SNX14: variants seen among roughly 807,000 people sequenced by gnomAD.
SNX14 encodes sorting nexin-14.
Under a neutral mutation model 133.8 loss-of-function variants are expected in SNX14, and 93 were observed. The observed-to-expected ratio is 0.70, with a 90% CI of 0.59 to 0.83. SNX14 has a LOEUF of 0.83. SNX14 is among the 40% of genes least tolerant of loss of function. The pLI, the probability that SNX14 is intolerant of heterozygous loss-of-function variation, is 0.00. For synonymous variants in SNX14, 368 were observed against 365.6 expected (o/e 1.01, Z -0.07); for missense variants, 945 against 1,094.9 (o/e 0.86, Z 1.93).
intron 15 of SNX14, among the ~76,000 whole-genome samples, chr6:85,540,617 A>G (rs563812221): frequency 3.0e-4 from 46 of 152,350 alleles, no homozygotes; most frequent in African/African-American, 1.1e-3. Flanking sequence ...ACCTTTCAGA[A>G]AAGTTATTAC....
Position 85,508,042 on chromosome 6 carries a change from T to A in SNX14, c.2671A>T (p.Ile891Phe). Residue 891 changes from isoleucine (I) to phenylalanine (F), a missense_variant, in exon 27 of 29, where the codon ATT becomes TTT. This residue lies in a region of SNX14 where 412 missense variants were observed against 516.6 expected (regional missense o/e 0.80). Coordinates refer to ENST00000314673, the MANE Select transcript of SNX14 (RefSeq NM_153816.6). ...CTTTCATACTTGGTTTCTTCACCAA[T>A]ACACTTGACTAACAGATCTAAACAA... The part of the protein sequence containing the change: ...NYIPDLLVKC[I>F]GEETKYESIR... 1 of 1,612,882 alleles carries A rather than the reference T, an allele frequency of 6.2e-7. No homozygotes were observed. Among genetic ancestry groups the A allele is most frequent in the Non-Finnish European group, 8.5e-7 (1 of 1,179,340 alleles).
Position 85,552,032 on chromosome 6 carries a change from CTTTT to C in SNX14, c.635-2157_635-2154del, listed in dbSNP as rs71551482. Among the ~76,000 whole-genome samples the C allele has an allele frequency of 2.9e-3, 334 of 114,124 alleles. 1 individual carries two copies. The highest frequency in any genetic ancestry group is 4.7e-3 in the Non-Finnish European group (269 of 57,340). 74.9% of individuals were successfully genotyped at this position (114,124 alleles called of 152,430 possible). A position where few individuals can be genotyped will look rare whatever the true frequency, so the allele number is the denominator to read the frequency against. ...AAATCATGGAGTCTGTGTTGGGAAT[CTTTT>C]TTTTTTTTTTTTTTTTTTGAGACGG... On this transcript the variant is annotated intron_variant, in intron 7 of 28. Coordinates refer to ENST00000314673, the MANE Select transcript of SNX14 (RefSeq NM_153816.6).
intron 21 of SNX14, 146 bp downstream of exon 21, chr6:85,525,980 T>A (rs1457484213): frequency 6.2e-6 from 3 of 487,072 alleles, no homozygotes; most frequent in Non-Finnish European, 1.1e-5. Context: ...CAGATTAAGG[T>A]CAGCATCTGA....
chr6:85,515,262 C>CA (rs751549621), intron 23 of SNX14, among the ~76,000 whole-genome samples: 2,023 of 22,502 alleles, frequency 0.09, 204 homozygotes, highest in Non-Finnish European at 0.11. Context: ...GCAAGACCGT[C>CA]AAAAAAAAAA....
At chr6:85,513,923 T>C (rs1419833982) in intron 25 of SNX14, 28 bp from the exon 26 acceptor site, 2 of 1,587,092 alleles carry the variant, frequency 1.3e-6, no homozygotes, top group Admixed American at 1.8e-5. Flanking sequence ...GAAATATTTC[T>C]GGAATTTTCA....
In SNX14 at chr6:85,513,862, G is replaced by A. The variant is rs756002626; in HGVS notation, c.2591C>T (p.Ser864Phe). 7 of 1,612,752 alleles carry A rather than the reference G, an allele frequency of 4.3e-6. No homozygotes were observed. The Admixed American group carries it at 6.7e-5, about 15-fold the overall frequency. ...TGCTCCTTTTTGCTTATCTTGGAGA[G>A]AGCGAGGTTCAGTGTTTTCACAGAA... ...AIFCENTEPR[S>F]LQDKQKGAKQ... The change falls in exon 26 of 29, where the codon TCT becomes TTT. Residue 864 changes from serine to phenylalanine, a missense_variant. Transcript: ENST00000314673.
rs1045856065 is a variant in SNX14 at position 85,571,346 on chromosome 6, C to T, written c.417+791G>A. Among the ~76,000 whole-genome samples, 14 of 123,124 alleles carry T rather than the reference C, an allele frequency of 1.1e-4. No individual in the cohort carries two copies. The Admixed American group carries it at 1.2e-3, about 11-fold the overall frequency. 80.8% of individuals were successfully genotyped at this position (123,124 alleles called of 152,430 possible). ...CTGCACTCCGGCCTGGGTGGCAGAG[C>T]AAGACTCCATCTCAAAAAAAAAAAA... On this transcript the variant is annotated intron_variant, in intron 4 of 28. Coordinates refer to ENST00000314673, the MANE Select transcript of SNX14 (RefSeq NM_153816.6).
At chr6:85,531,859 T>G (rs1160160944) in intron 18 of SNX14, among the ~76,000 whole-genome samples, 3 of 152,004 alleles carry the variant, frequency 2.0e-5, no homozygotes, top group Admixed American at 1.3e-4. Context: ...AGACCTTTTC[T>G]CTACAAAAAA....
At chr6:85,557,849 A>C (rs1790241220) in intron 7 of SNX14, 127 bp downstream of exon 7, 1 of 621,816 alleles carries the variant, frequency 1.6e-6, no homozygotes, top group Non-Finnish European at 2.8e-6. Context: ...ATTTCAGTTT[A>C]AGAGAATACT....
chr6:85,582,457 A>C (rs1043070100), intron 1 of SNX14, among the ~76,000 whole-genome samples: 1 of 150,598 alleles, frequency 6.6e-6, no homozygotes, highest in Non-Finnish European at 1.5e-5. Flanking sequence ...AGACACACAC[A>C]AAAAAAACCT....
At position 85,526,117 on chromosome 6, in the gene SNX14, T is replaced by C; in HGVS notation, c.2107+9A>G. On this transcript the variant is annotated intron_variant, in intron 21 of 28. Coordinates refer to ENST00000314673, the MANE Select transcript of SNX14 (RefSeq NM_153816.6). Reference sequence around the variant, plus strand: ...TATTATCTTATAATGATTCTTTAAATTGACTTACCAAGATTTACATCTGGT... The same window carrying C: ...TATTATCTTATAATGATTCTTTAAACTGACTTACCAAGATTTACATCTGGT... 1.3e-6 allele frequency: 2 copies of C among 1,494,960 alleles called. No homozygotes were observed. The highest frequency in any genetic ancestry group is 1.8e-6 in the Non-Finnish European group (2 of 1,093,974). The allele number at this position is 1,494,960 out of a possible 1,614,324, so 92.6% of individuals were successfully genotyped here.
rs1224521024 is a variant in SNX14, at chr6:85,530,277, T to C, written c.1811-2A>G. On this transcript the variant is annotated splice_acceptor_variant, in intron 18 of 28. Coordinates refer to ENST00000314673, the MANE Select transcript of SNX14 (RefSeq NM_153816.6). LOFTEE classifies it high-confidence loss of function. ...ACCAATGTTCAGGCTCGTGTCCAAC[T>C]GTAAATTGAGTACACACACACTGAG... The C allele has an allele frequency of 1.3e-6, 2 of 1,580,246 alleles. No homozygotes were observed. The highest frequency in any genetic ancestry group is 8.6e-7 in the Non-Finnish European group (1 of 1,157,630).
chr6:85,561,082 C>T (rs1746152072), intron 6 of SNX14: 1 of 149,612 alleles, frequency 6.7e-6, no homozygotes, highest in African/African-American at 2.5e-5. Context: ...ATCTGTAATC[C>T]CAGCATTTTG....
At chr6:85,512,790 G>C (rs1773413063) in intron 26 of SNX14, among the ~76,000 whole-genome samples, 1 of 152,130 alleles carries the variant, frequency 6.6e-6, no homozygotes, top group South Asian at 2.1e-4. Flanking sequence ...ACGGGTTTCT[G>C]CTGCAGCTAG....
intron 7 of SNX14, among the ~76,000 whole-genome samples, chr6:85,554,438 T>A (rs1322748418): frequency 6.6e-6 from 1 of 152,024 alleles, no homozygotes; most frequent in African/African-American, 2.4e-5. Flanking sequence ...TAAAGACAAC[T>A]ATGGATGAAG....
intron 21 of SNX14, among the ~76,000 whole-genome samples, chr6:85,523,811 G>T (rs1353001543): frequency 6.6e-6 from 1 of 151,916 alleles, no homozygotes; most frequent in Non-Finnish European, 1.5e-5. Context: ...AATCTAAGAG[G>T]TAATGGTAAA....
At chr6:85,576,166 A>T (rs1423881958) in intron 1 of SNX14, among the ~76,000 whole-genome samples, 1 of 152,026 alleles carries the variant, frequency 6.6e-6, no homozygotes, top group African/African-American at 2.4e-5. Flanking sequence ...ATTTTTACAG[A>T]CCCTCACTAC....
chr6:85,548,110 G>A (rs367717394), intron 9 of SNX14, among the ~76,000 whole-genome samples, 191 bp downstream of exon 9: 2 of 152,172 alleles, frequency 1.3e-5, no homozygotes, highest in Non-Finnish European at 1.5e-5. Flanking sequence ...GAAGGAATGA[G>A]GAGTTATTGT....
intron 6 of SNX14, among the ~76,000 whole-genome samples, chr6:85,560,800 G>A (rs1252157909): frequency 2.0e-5 from 3 of 152,066 alleles, no homozygotes; most frequent in African/African-American, 7.2e-5. Flanking sequence ...TTGGGAGACC[G>A]AGGTGGGTGA....
Sources: allele counts gnomAD v4.1 joint callset (sites outside exome capture counted in the v4.1 genomes callset), GRCh38; gene constraint gnomAD v4.1.1; regional missense constraint gnomAD v4.1.1; transcripts MANE v1.5; gene names NCBI Gene and HGNC (gene_info 2026-07-23, HGNC 2026-07-21).